LIFR: variants seen among roughly 807,000 people sequenced by gnomAD.
LIFR encodes leukemia inhibitory factor receptor.
LIFR carries 84 observed loss-of-function variants against 122.2 expected under a neutral mutation model. The observed-to-expected ratio is 0.69, with a 90% CI of 0.58 to 0.82. The LOEUF (loss-of-function observed/expected upper bound fraction) is 0.82, where lower values mean the gene tolerates loss of function less well. Ranked by LOEUF, LIFR falls within the 40% of genes least tolerant of loss-of-function variation. The probability of loss-of-function intolerance (pLI) is 0.00; values close to 1 mark genes in which losing one functional copy is unlikely to be tolerated. For missense variants in LIFR, 1,294 were observed against 1,311.6 expected (o/e 0.99, Z 0.21); for synonymous variants, 422 against 434.7 (o/e 0.97, Z 0.36).
chr5:38,554,442 A>G, intron 1 of LIFR, among the ~76,000 whole-genome samples: 1 of 152,270 alleles, frequency 6.6e-6, no homozygotes, highest in Non-Finnish European at 1.5e-5. Flanking sequence ...AATGCTTTAC[A>G]ATTTCATAGC....
chr5:38,510,379 ACC>A (rs34968906), intron 7 of LIFR, 83 bp downstream of exon 7: 2 of 1,059,846 alleles, frequency 1.9e-6, no homozygotes, highest in South Asian at 1.3e-5. Context: ...CACTCCTCCC[ACC>A]CCCCCACTCC....
intron 1 of LIFR, among the ~76,000 whole-genome samples, chr5:38,544,884 T>C (rs144727095): frequency 6.6e-6 from 1 of 152,246 alleles, no homozygotes; most frequent in Admixed American, 6.5e-5. Context: ...AAGTGTGCAG[T>C]AAATATTTGT....
Position 38,476,362 on chromosome 5 carries a change from A to G in LIFR, c.*5233T>C, listed in dbSNP as rs1011727076. The G allele has an allele frequency of 4.8e-6, 1 of 207,602 alleles. No individual in the cohort carries two copies. 12.9% of individuals were successfully genotyped at this position (207,602 alleles called of 1,614,324 possible). On this transcript the variant is annotated 3_prime_UTR_variant, in exon 20 of 20. Coordinates refer to ENST00000453190, the MANE Select transcript of LIFR (RefSeq NM_001127671.2). ...AATACACAACTGGAATGTTTAGGAAAATAGTTCGGAAGCTGAAAGTTACCC... is the reference window on the plus strand; with the variant it reads ...AATACACAACTGGAATGTTTAGGAAGATAGTTCGGAAGCTGAAAGTTACCC...
chr5:38,493,211 A>C (rs1744693420), intron 14 of LIFR, among the ~76,000 whole-genome samples: 2 of 151,026 alleles, frequency 1.3e-5, no homozygotes, highest in Non-Finnish European at 2.9e-5. Flanking sequence ...ACAGTTCCGT[A>C]GTTTTTTTTT....
intron 1 of LIFR, among the ~76,000 whole-genome samples, chr5:38,545,753 G>A (rs1022867335): frequency 6.6e-6 from 1 of 151,072 alleles, no homozygotes; most frequent in Non-Finnish European, 1.5e-5. Flanking sequence ...TCCCAGCTAT[G>A]TGGGAGGCTG....
chr5:38,512,375 T>C (rs1429299960), intron 5 of LIFR, among the ~76,000 whole-genome samples: 2 of 152,022 alleles, frequency 1.3e-5, no homozygotes, highest in Non-Finnish European at 2.9e-5. Flanking sequence ...ACCCAGCACT[T>C]TGGGAGGCTG....
At chr5:38,567,594 A>G (rs1311065331) in intron 1 of LIFR, among the ~76,000 whole-genome samples, 2 of 151,160 alleles carry the variant, frequency 1.3e-5, no homozygotes, top group African/African-American at 2.4e-5. Flanking sequence ...CAGTGGCATG[A>G]TCTGGCTCAC....
intron 13 of LIFR, among the ~76,000 whole-genome samples, chr5:38,495,686 T>C (rs995799747): frequency 2.6e-5 from 4 of 152,112 alleles, no homozygotes; most frequent in East Asian, 1.9e-4. Flanking sequence ...CAAAGGTGGG[T>C]AGGCAGAAAA....
intron 19 of LIFR, 44 bp downstream of exon 19, chr5:38,482,542 AAAG>A (rs1744051829): frequency 2.0e-6 from 2 of 1,014,852 alleles, no homozygotes; most frequent in East Asian, 2.5e-5. Flanking sequence ...AAGATTAAAA[AAAG>A]AAGCCAGCAC....
At position 38,506,044 on chromosome 5, in the gene LIFR, T is replaced by C. The variant is rs1484051968; in HGVS notation, c.1152A>G (p.Arg384=). Residue 384 remains arginine, a synonymous_variant, in exon 9 of 20, where the codon AGA becomes AGG. Coordinates refer to ENST00000453190, the MANE Select transcript of LIFR (RefSeq NM_001127671.2). ...SFSGKYVRLK[R]AEAPTNESYQ... ...AGCTTTCGTTTGTAGGTGCTTCAGC[T>C]CTTTTAAGTCTAACATATTTTCCTG... 6.2e-7 allele frequency: 1 copy of C among 1,600,246 alleles called. No homozygotes were observed. Among genetic ancestry groups the C allele is most frequent in the Non-Finnish European group, 8.5e-7 (1 of 1,171,518 alleles).
At chr5:38,520,222 G>A (rs187339964) in intron 5 of LIFR, among the ~76,000 whole-genome samples, 1 of 152,260 alleles carries the variant, frequency 6.6e-6, no homozygotes, top group Non-Finnish European at 1.5e-5. Flanking sequence ...GGTAAGTAGT[G>A]ATATTGAGCA....
intron 1 of LIFR, among the ~76,000 whole-genome samples, chr5:38,577,172 C>T (rs908262429): frequency 1.3e-5 from 2 of 152,198 alleles, no homozygotes; most frequent in Admixed American, 1.3e-4. Context: ...ATTCTCCTCC[C>T]TCTCCTTTCT....
At chr5:38,544,949 A>G (rs1747793790) in intron 1 of LIFR, among the ~76,000 whole-genome samples, 1 of 152,256 alleles carries the variant, frequency 6.6e-6, no homozygotes, top group African/African-American at 2.4e-5. Context: ...GTTATGCACC[A>G]TGGAAGATTA....
rs531210594 is a variant in LIFR at position 38,574,290 on chromosome 5, C to T, written c.-20+20971G>A. 2.6e-5 allele frequency among the ~76,000 whole-genome samples: 4 copies of T among 152,270 alleles called. No homozygotes were observed. In the East Asian group the frequency reaches 7.7e-4, roughly 29 times the overall value. On this transcript the variant is annotated intron_variant, in intron 1 of 19. Coordinates refer to the LIFR transcript ENST00000263409. ...CTTCCCTCTATAGACTTCCCTCATG[C>T]TATTTCATCTGCCTGAAATTTGTCA...
intron 5 of LIFR, among the ~76,000 whole-genome samples, chr5:38,517,235 AT>A (rs1399722366): frequency 6.6e-6 from 1 of 152,132 alleles, no homozygotes; most frequent in Non-Finnish European, 1.5e-5. Context: ...AAATAAAAAA[AT>A]AAAAAGCCTT....
rs747644633 is a variant in LIFR, at chr5:38,502,821, T to C, written c.1438-22A>G. 1.7e-5 allele frequency: 21 copies of C among 1,245,204 alleles called. No homozygotes were observed. The South Asian group carries it at 2.4e-4, about 14-fold the overall frequency. The allele number at this position is 1,245,204 out of a possible 1,614,324, so 77.1% of individuals were successfully genotyped here. A position where few individuals can be genotyped will look rare whatever the true frequency, so the allele number is the denominator to read the frequency against. On this transcript the variant is annotated intron_variant, in intron 10 of 19. Transcript: ENST00000453190. ...TCCGCTATTGGAAAACAAATAAATA[T>C]ATATATATGTATATATTATGTGTAT... is the stretch of plus-strand genomic sequence containing the variant.
At chr5:38,531,851 G>A (rs1283965761) in intron 1 of LIFR, among the ~76,000 whole-genome samples, 1 of 152,134 alleles carries the variant, frequency 6.6e-6, no homozygotes, top group Non-Finnish European at 1.5e-5. Flanking sequence ...AAAAACCCAG[G>A]AAATGAATCC....
intron 1 of LIFR, among the ~76,000 whole-genome samples, chr5:38,552,954 T>C (rs1748282436): frequency 6.6e-6 from 1 of 152,226 alleles, no homozygotes; most frequent in South Asian, 2.1e-4. Context: ...AGCAGATGTG[T>C]TGCTAGCCCC....
chr5:38,482,003 G>C lies in LIFR; in HGVS notation c.2886C>G (p.Ala962=). 2 of 1,614,088 alleles carry C rather than the reference G, an allele frequency of 1.2e-6. No homozygotes were observed. The highest frequency in any genetic ancestry group is 1.7e-6 in the Non-Finnish European group (2 of 1,180,016). ...GTGCAGTCCCTCCAGCTTCATCTGC[G>C]GCTGGGTTTGGTATTTCTTCCTCAA... ...PIIEEEIPNP[A]ADEAGGTAQV... Residue 962 remains alanine (A), a synonymous_variant, in exon 20 of 20, where the codon GCC becomes GCG. Transcript: ENST00000453190.
Sources: allele counts gnomAD v4.1 joint callset (sites outside exome capture counted in the v4.1 genomes callset), GRCh38; gene constraint gnomAD v4.1.1; transcripts MANE v1.5; gene names NCBI Gene and HGNC (gene_info 2026-07-23, HGNC 2026-07-21).